Variants in PDE4D observed in about 807,000 individuals in gnomAD.
PDE4D encodes 3',5'-cyclic-AMP phosphodiesterase 4D.
PDE4D carries 24 observed loss-of-function variants against 87.4 expected under a neutral mutation model. That is an observed-to-expected ratio of 0.27 (90% CI 0.20 to 0.39). PDE4D has a LOEUF of 0.39. Among genes scored for constraint, PDE4D ranks in the 10% least tolerant of loss-of-function variants. The pLI is 1.00. For synonymous variants in PDE4D, 384 were observed against 383.2 expected, an observed-to-expected ratio of 1.00 and a Z score of -0.02; for missense variants, 714 against 1,041.0, an observed-to-expected ratio of 0.69 and a Z score of 4.32.
intron 1 of PDE4D, among the ~76,000 whole-genome samples, chr5:60,468,162 A>G (rs1747533566): frequency 1.5e-5 from 1 of 66,028 alleles, no homozygotes; most frequent in Non-Finnish European, 2.8e-5. Flanking sequence ...TTTTTGAGAC[A>G]AGGTCCTGCT....
intron 1 of PDE4D, among the ~76,000 whole-genome samples, chr5:59,752,793 C>T (rs552357734): frequency 1.8e-3 from 267 of 152,188 alleles, no homozygotes; most frequent in Non-Finnish European, 3.1e-3. Context: ...GCTCTAGATT[C>T]GGCTTCAAAA....
intron 1 of PDE4D, among the ~76,000 whole-genome samples, chr5:59,285,606 A>G (rs1309535718): frequency 6.6e-6 from 1 of 152,198 alleles, no homozygotes; most frequent in Non-Finnish European, 1.5e-5. Context: ...AACCAACGCC[A>G]GCATCATTGA....
chr5:60,451,264 T>G (rs1583812387), intron 1 of PDE4D, among the ~76,000 whole-genome samples: 1 of 152,130 alleles, frequency 6.6e-6, no homozygotes, highest in African/African-American at 2.4e-5. Context: ...CATGTAATAG[T>G]TGTACATATT....
intron 1 of PDE4D, among the ~76,000 whole-genome samples, chr5:59,264,439 AT>A (rs1296654784): frequency 6.6e-6 from 1 of 152,002 alleles, no homozygotes; most frequent in Non-Finnish European, 1.5e-5. Flanking sequence ...ACGTAAAATG[AT>A]TTTTTCAGTT....
intron 3 of PDE4D, among the ~76,000 whole-genome samples, chr5:59,908,448 T>C (rs1412072169): frequency 6.6e-6 from 1 of 152,170 alleles, no homozygotes; most frequent in African/African-American, 2.4e-5. Flanking sequence ...ACTGAAATAA[T>C]TCCTCTGACA....
At chr5:58,977,404 T>C (rs1744067200) in intron 11 of PDE4D, 59 bp from the exon 12 acceptor site, 1 of 1,500,736 alleles carries the variant, frequency 6.7e-7, no homozygotes, top group Non-Finnish European at 9.1e-7. Context: ...GTTTATCTGA[T>C]TCTTAAAATT....
intron 2 of PDE4D, among the ~76,000 whole-genome samples, chr5:60,096,962 T>C (rs1360593931): frequency 1.3e-5 from 2 of 152,102 alleles, no homozygotes; most frequent in Non-Finnish European, 2.9e-5. Flanking sequence ...AAATGGGTAT[T>C]TCTTCATATA....
At position 59,307,480 on chromosome 5, in the gene PDE4D, C is replaced by T. The variant is rs190051750; in HGVS notation, c.456-91512G>A. ...TACTCATCTGACAAAGGGCTAACAT[C>T]CAGAATCTACAATGAACTCAAACAA... is the stretch of plus-strand genomic sequence containing the variant. On this transcript the variant is annotated intron_variant, in intron 1 of 14. Coordinates refer to ENST00000340635, the MANE Select transcript of PDE4D (RefSeq NM_001104631.2). 2.0e-4 allele frequency among the ~76,000 whole-genome samples: 31 copies of T among 152,228 alleles called. 1 individual carries two copies. In the East Asian group the frequency reaches 6.0e-3, roughly 29 times the overall value.
At chr5:59,818,817 G>T (rs574476526) in intron 1 of PDE4D, among the ~76,000 whole-genome samples, 1 of 150,926 alleles carries the variant, frequency 6.6e-6, no homozygotes, top group African/African-American at 2.4e-5. Flanking sequence ...CTCTTATCAG[G>T]ATGAAGAATT....
At chr5:59,989,200 T>C (rs1762767176) in intron 2 of PDE4D, among the ~76,000 whole-genome samples, 1 of 150,752 alleles carries the variant, frequency 6.6e-6, no homozygotes, top group African/African-American at 2.4e-5. Context: ...TGTGTGAACA[T>C]CACAGTGTAT....
chr5:60,153,093 A>G (rs893710021), intron 2 of PDE4D, among the ~76,000 whole-genome samples: 2 of 152,230 alleles, frequency 1.3e-5, no homozygotes, highest in African/African-American at 4.8e-5. Context: ...AAGGCAACCC[A>G]TGGAATAGGA....
intron 1 of PDE4D, among the ~76,000 whole-genome samples, chr5:59,736,186 GT>G (rs1229149909): frequency 2.0e-5 from 3 of 151,230 alleles, no homozygotes; most frequent in Non-Finnish European, 4.4e-5. Context: ...GATTCATCAG[GT>G]AGATATTGAA....
chr5:59,264,037 T>G (rs1762452652), intron 1 of PDE4D, among the ~76,000 whole-genome samples: 1 of 152,042 alleles, frequency 6.6e-6, no homozygotes, highest in Non-Finnish European at 1.5e-5. Context: ...AAAATACACA[T>G]GTATTTGTAT....
intron 2 of PDE4D, among the ~76,000 whole-genome samples, chr5:60,160,582 C>A (rs539979252): frequency 2.0e-5 from 3 of 152,076 alleles, no homozygotes; most frequent in Non-Finnish European, 4.4e-5. Context: ...TATTCAGTTG[C>A]TTTCTTTATT....
intron 1 of PDE4D, among the ~76,000 whole-genome samples, chr5:59,438,205 G>A (rs1204586021): frequency 6.6e-6 from 1 of 152,150 alleles, no homozygotes; most frequent in Non-Finnish European, 1.5e-5. Context: ...TGAGATATGG[G>A]TGGGTACACA....
At position 59,168,151 on chromosome 5, in the gene PDE4D, T is replaced by C. The variant is rs72764086; in HGVS notation, c.808+12444A>G. Among the ~76,000 whole-genome samples the C allele has an allele frequency of 9.1e-3, 1,386 of 151,784 alleles. 7 individuals are homozygous for C. Among genetic ancestry groups the C allele is most frequent in the Non-Finnish European group, 0.014 (970 of 67,936 alleles). On this transcript the variant is annotated intron_variant, in intron 5 of 14. Coordinates refer to ENST00000340635, the MANE Select transcript of PDE4D (RefSeq NM_001104631.2). ...GCACTGGATATTTAAGCATCAGAAA[T>C]ATCTCAAGGAAGTGCATTCAGGACA... is the stretch of plus-strand genomic sequence containing the variant.
chr5:59,020,541 G>C (rs566204632), intron 6 of PDE4D, among the ~76,000 whole-genome samples: 1 of 151,964 alleles, frequency 6.6e-6, no homozygotes, highest in Non-Finnish European at 1.5e-5. Flanking sequence ...TTTAACACCA[G>C]AAAGTTTGTA....
rs566962468 is a variant in PDE4D, at chr5:59,436,998, C to A, written c.456-221030G>T. 1.8e-4 allele frequency among the ~76,000 whole-genome samples: 28 copies of A among 152,280 alleles called. No individual in the cohort carries two copies. The South Asian group carries it at 5.4e-3, about 29-fold the overall frequency. ...CAGTAAATTAGGCCTGGTCCAAGTG[C>A]CATTTAACAGGTACCGGAAATTATG... is the stretch of plus-strand genomic sequence containing the variant. On this transcript the variant is annotated intron_variant, in intron 1 of 14. Coordinates refer to ENST00000340635, the MANE Select transcript of PDE4D (RefSeq NM_001104631.2).
chr5:59,628,081 G>A (rs960053345), intron 1 of PDE4D, among the ~76,000 whole-genome samples: 2 of 152,164 alleles, frequency 1.3e-5, no homozygotes, highest in Non-Finnish European at 2.9e-5. Flanking sequence ...ATAAAAAATT[G>A]CTGCCACAGA....
Sources: allele counts gnomAD v4.1 joint callset (sites outside exome capture counted in the v4.1 genomes callset), GRCh38; gene constraint gnomAD v4.1.1; transcripts MANE v1.5; gene names NCBI Gene and HGNC (gene_info 2026-07-23, HGNC 2026-07-21).